Variants in PARM1 observed in about 807,000 individuals in gnomAD.
PARM1 encodes the protein WSC4, cell wall integrity and stress response component 4 homolog.
PARM1 carries 14 observed loss-of-function variants against 24.6 expected under a neutral mutation model. The ratio of observed to expected loss-of-function variants is 0.57; its 90% confidence interval spans 0.38 to 0.89. The LOEUF (loss-of-function observed/expected upper bound fraction) is 0.89. Among genes scored for constraint, PARM1 ranks in the 40% least tolerant of loss-of-function variants. PARM1 has a pLI of 0.00. For synonymous variants in PARM1, 179 were observed against 156.6 expected (o/e 1.14, Z -1.07); for missense variants, 362 against 380.4 (o/e 0.95, Z 0.40).
chr4:75,043,977 T>G (rs1170986410), intron 3 of PARM1, among the ~76,000 whole-genome samples: 2 of 151,904 alleles, frequency 1.3e-5, no homozygotes, highest in Non-Finnish European at 2.9e-5. Context: ...TGAATCAGCC[T>G]TCAGGACATA....
rs558019303 is a variant in PARM1 at position 74,946,472 on chromosome 4, C to G, written c.43+13102C>G. On this transcript the variant is annotated intron_variant, in intron 1 of 3. Coordinates refer to ENST00000307428, the MANE Select transcript of PARM1 (RefSeq NM_015393.4). ...TTTAGGCCATGCCAAATTGCCTGCT[C>G]TCTTCCAAAGGAAGAGGATAATCTT... 5.9e-5 allele frequency among the ~76,000 whole-genome samples: 9 copies of G among 152,326 alleles called. No homozygotes were observed. The South Asian group carries it at 1.7e-3, about 28-fold the overall frequency.
chr4:75,046,367 T>G lies in PARM1; in HGVS notation c.*120T>G. The G allele has an allele frequency of 1.5e-6, 1 of 655,510 alleles. No individual in the cohort carries two copies. The highest frequency in any genetic ancestry group is 2.7e-5 in the Admixed American group (1 of 36,538). The allele number at this position is 655,510 out of a possible 1,614,324, so 40.6% of individuals were successfully genotyped here. On this transcript the variant is annotated 3_prime_UTR_variant, in exon 4 of 4. Transcript: ENST00000307428. ...AATCTTAAGCCCTGTTTTGTTGGTA[T>G]GGTTGTTTTTGTTTTCCTCCCTCTC... is the stretch of plus-strand genomic sequence containing the variant.
chr4:74,956,638 G>A (rs1176837684), intron 1 of PARM1: 1 of 152,074 alleles, frequency 6.6e-6, no homozygotes, highest in Non-Finnish European at 1.5e-5. Context: ...TCAAAACAGG[G>A]GGACTGTGAG....
chr4:74,955,359 T>G (rs922452111), intron 1 of PARM1, among the ~76,000 whole-genome samples: 2 of 152,244 alleles, frequency 1.3e-5, no homozygotes, highest in Non-Finnish European at 2.9e-5. Flanking sequence ...TCTGCTCTTC[T>G]TTATGATCTG....
intron 1 of PARM1, among the ~76,000 whole-genome samples, chr4:75,003,877 C>T (rs1722725235): frequency 6.6e-6 from 1 of 151,940 alleles, no homozygotes; most frequent in African/African-American, 2.4e-5. Context: ...ATCATTTTAA[C>T]ATTCTCTCTC....
intron 3 of PARM1, among the ~76,000 whole-genome samples, chr4:75,038,017 A>G (rs891278128): frequency 6.6e-6 from 1 of 152,110 alleles, no homozygotes; most frequent in Non-Finnish European, 1.5e-5. Flanking sequence ...CCCGGGTTCA[A>G]GCAATTCTCC....
intron 2 of PARM1, among the ~76,000 whole-genome samples, chr4:75,018,425 G>A (rs1005929590): frequency 1.3e-5 from 2 of 152,194 alleles, no homozygotes; most frequent in African/African-American, 4.8e-5. Context: ...GAATATGTAT[G>A]TCAAGTTGCA....
intron 3 of PARM1, among the ~76,000 whole-genome samples, chr4:75,044,605 T>C (rs1322710946): frequency 6.6e-6 from 1 of 152,192 alleles, no homozygotes; most frequent in Non-Finnish European, 1.5e-5. Context: ...AAGTAAATTA[T>C]ATAGTATGTT....
chr4:74,949,534 G>A (rs914494902), intron 1 of PARM1, among the ~76,000 whole-genome samples: 3 of 152,146 alleles, frequency 2.0e-5, no homozygotes, highest in Admixed American at 6.5e-5. Context: ...GGATGGTCTC[G>A]ATCTCCTGAC....
chr4:74,957,593 G>C (rs1043374154), intron 1 of PARM1, among the ~76,000 whole-genome samples: 15 of 152,142 alleles, frequency 9.9e-5, no homozygotes, highest in African/African-American at 3.4e-4. Context: ...TTTCTAAGAT[G>C]CAGAAGCAAA....
At chr4:75,006,934 G>C (rs1171734852) in intron 1 of PARM1, among the ~76,000 whole-genome samples, 3 of 152,162 alleles carry the variant, frequency 2.0e-5, no homozygotes, top group Admixed American at 6.5e-5. Context: ...AGAGTGAACA[G>C]GCAACCTACA....
chr4:74,963,548 G>C (rs1721828632), intron 1 of PARM1, among the ~76,000 whole-genome samples: 1 of 152,144 alleles, frequency 6.6e-6, no homozygotes, highest in Non-Finnish European at 1.5e-5. Context: ...AATGAAATCA[G>C]ACATAAAAGG....
At chr4:74,935,059 G>T (rs1217382028) in intron 1 of PARM1, among the ~76,000 whole-genome samples, 1 of 148,562 alleles carries the variant, frequency 6.7e-6, no homozygotes, top group Non-Finnish European at 1.5e-5. Context: ...ATTCCGGGAG[G>T]AATATCACCC....
chr4:74,936,871 C>G (rs2109978582), intron 1 of PARM1, among the ~76,000 whole-genome samples: 1 of 152,278 alleles, frequency 6.6e-6, no homozygotes, highest in East Asian at 1.9e-4. Flanking sequence ...AGGAAGGACA[C>G]TAGGTAAGAG....
intron 1 of PARM1, among the ~76,000 whole-genome samples, chr4:75,011,992 T>G (rs990760558): frequency 4.6e-5 from 7 of 152,056 alleles, no homozygotes; most frequent in African/African-American, 1.7e-4. Context: ...GTGACCACAC[T>G]CATCACCAAC....
Position 74,933,303 on chromosome 4 carries a change from G to C in PARM1, c.-25G>C. ...GCAAACTCCTTGCCGCCCGCCCCGG[G>C]CTGGGCACCAAATACCAGGCTACCA... On this transcript the variant is annotated 5_prime_UTR_variant, in exon 1 of 4. Transcript: ENST00000307428. 2 of 1,607,100 alleles carry C rather than the reference G, an allele frequency of 1.2e-6. No homozygotes were observed. The highest frequency in any genetic ancestry group is 1.7e-6 in the Non-Finnish European group (2 of 1,176,520).
At position 75,001,593 on chromosome 4, in the gene PARM1, C is replaced by T. The variant is rs533069104; in HGVS notation, c.44-10832C>T. Among the ~76,000 whole-genome samples the T allele has an allele frequency of 1.4e-4, 22 of 152,174 alleles. 1 individual carries two copies. In the South Asian group the frequency reaches 4.1e-3, roughly 29 times the overall value. On this transcript the variant is annotated intron_variant, in intron 1 of 3. Transcript: ENST00000307428. ...AATTCATTGTTTTGTACAATTAAGACGTGTGCATTTTACTGCATGCAAGTT... is the reference window on the plus strand; with the variant it reads ...AATTCATTGTTTTGTACAATTAAGATGTGTGCATTTTACTGCATGCAAGTT...
chr4:74,943,177 G>A (rs1232814502), intron 1 of PARM1, among the ~76,000 whole-genome samples: 1 of 152,052 alleles, frequency 6.6e-6, no homozygotes, highest in Non-Finnish European at 1.5e-5. Context: ...TATTCCCAGT[G>A]CCTCTTATCT....
intron 1 of PARM1, among the ~76,000 whole-genome samples, chr4:74,971,212 G>A (rs567824910): frequency 5.9e-5 from 9 of 152,318 alleles, no homozygotes; most frequent in Non-Finnish European, 7.4e-5. Context: ...GGCAGAAGGC[G>A]AAGGAGCAAA....
Sources: allele counts gnomAD v4.1 joint callset (sites outside exome capture counted in the v4.1 genomes callset), GRCh38; gene constraint gnomAD v4.1.1; transcripts MANE v1.5; gene names NCBI Gene and HGNC (gene_info 2026-07-23, HGNC 2026-07-21).